CDC16: variants seen among roughly 807,000 people sequenced by gnomAD.
CDC16 encodes the protein cell division cycle protein 16 homolog.
CDC16 carries 34 observed loss-of-function variants against 87.0 expected under a neutral mutation model. The ratio of observed to expected loss-of-function variants is 0.39; its 90% confidence interval spans 0.30 to 0.52. The LOEUF is 0.52. Ranked by LOEUF, CDC16 falls within the 20% of genes least tolerant of loss-of-function variation. CDC16 has a pLI of 0.74. For synonymous variants in CDC16, 263 were observed against 260.6 expected (o/e 1.01, Z -0.09); for missense variants, 653 against 751.9 (o/e 0.87, Z 1.54).
chr13:114,262,035 G>A (rs781329871), intron 15 of CDC16, 87 bp downstream of exon 15: 2 of 750,510 alleles, frequency 2.7e-6, no homozygotes, highest in Non-Finnish European at 4.4e-6. Flanking sequence ...CTTATTTCAT[G>A]AGATCAACCA....
At chr13:114,263,726 A>G (rs1039610406) in intron 16 of CDC16, among the ~76,000 whole-genome samples, 1 of 152,198 alleles carries the variant, frequency 6.6e-6, no homozygotes, top group African/African-American at 2.4e-5. Flanking sequence ...AGCCACAGAC[A>G]CCTGCTTTCC....
At chr13:114,242,363 A>T (rs750450389) in intron 6 of CDC16, 83 bp downstream of exon 6, 3 of 1,256,860 alleles carry the variant, frequency 2.4e-6, no homozygotes, top group African/African-American at 3.0e-5. Context: ...CTTCTAAGTC[A>T]ACAACAGGCC....
intron 10 of CDC16, 53 bp from the exon 11 acceptor site, chr13:114,246,878 A>G (rs1249246809): frequency 1.8e-6 from 2 of 1,096,482 alleles, no homozygotes; most frequent in Non-Finnish European, 2.8e-6. Flanking sequence ...TGCAGATTCC[A>G]ATTAGATATT....
chr13:114,241,160 T>G lies in CDC16; in HGVS notation c.382-961T>G, dbSNP rs139891577. ...TTTATGGTAGTCGTGAGATGGCTGT[T>G]GAACGCCTTACTATGTGCTAGCACC... On this transcript the variant is annotated intron_variant, in intron 5 of 17. Transcript: ENST00000356221. Among the ~76,000 whole-genome samples the G allele has an allele frequency of 2.2e-3, 339 of 152,328 alleles. 1 individual carries two copies. The highest frequency in any genetic ancestry group is 7.9e-3 in the African/African-American group (330 of 41,574).
At chr13:114,236,287 T>G (rs2081246568) in intron 1 of CDC16, among the ~76,000 whole-genome samples, 1 of 152,232 alleles carries the variant, frequency 6.6e-6, no homozygotes, top group Non-Finnish European at 1.5e-5. Context: ...CATTAACAGC[T>G]CGTTGAAAGT....
chr13:114,268,258 A>T (rs2139197731), intron 17 of CDC16, among the ~76,000 whole-genome samples: 1 of 152,222 alleles, frequency 6.6e-6, no homozygotes, highest in Non-Finnish European at 1.5e-5. Context: ...TAAATCCCAA[A>T]ATTTGGGCTT....
chr13:114,258,106 T>A (rs189364343), intron 13 of CDC16, among the ~76,000 whole-genome samples: 1 of 152,226 alleles, frequency 6.6e-6, no homozygotes, highest in Admixed American at 6.5e-5. Context: ...TTAATACTAC[T>A]ACAGTGTCAT....
chr13:114,272,199 A>T lies in CDC16; in HGVS notation c.1619A>T (p.Asp540Val). ...TTCTTTTTAGGAGCAGACATTAAAG[A>T]CAAATTAAAATGTTATGACTTTGAT... ...SEAYIGADIK[D>V]KLKCYDFDVH... The change falls in exon 18 of 18, where the codon GAC becomes GTC. Residue 540 changes from aspartate to valine, a missense_variant. Physicochemically the swap from Asp to Val is radical, Grantham distance 152 (BLOSUM62 -3). Transcript: ENST00000356221. 1 of 1,535,180 alleles carries T rather than the reference A, an allele frequency of 6.5e-7. No homozygotes were observed. The highest frequency in any genetic ancestry group is 8.9e-7 in the Non-Finnish European group (1 of 1,125,530).
intron 17 of CDC16, among the ~76,000 whole-genome samples, chr13:114,269,385 T>C (rs1447076547): frequency 1.3e-5 from 2 of 152,178 alleles, no homozygotes; most frequent in Admixed American, 1.3e-4. Flanking sequence ...GGGAGGGGGC[T>C]GTACCAGGGT....
Position 114,265,230 on chromosome 13 carries a change from A to G in CDC16, c.1593A>G (p.Glu531=). ...TCGAAATGTACATTGGTGATTCTGA[A>G]GCTTATATTGGTAAGATAATCGTTA... The part of the protein sequence containing the change: ...HCIEMYIGDS[E]AYIGADIKDK... Residue 531 remains glutamate (E), a synonymous_variant, in exon 17 of 18, where the codon GAA becomes GAG. Transcript: ENST00000356221. The G allele has an allele frequency of 6.3e-7, 1 of 1,595,414 alleles. No individual in the cohort carries two copies. Among genetic ancestry groups the G allele is most frequent in the Non-Finnish European group, 8.6e-7 (1 of 1,163,062 alleles).
chr13:114,247,290 G>A, intron 11 of CDC16: 1 of 345,290 alleles, frequency 2.9e-6, no homozygotes, highest in Non-Finnish European at 5.3e-6. Context: ...AGCCTCCCGA[G>A]TAGCTGGGAC....
Position 114,272,517 on chromosome 13 carries a change from A to C in CDC16, c.*74A>C, listed in dbSNP as rs2083755024. Reference sequence around the variant, plus strand: ...CTTCACATCCTCTCCATGGCTTAAGAATGTCCCACTTCCTAACGTGACTCC... The same window carrying C: ...CTTCACATCCTCTCCATGGCTTAAGCATGTCCCACTTCCTAACGTGACTCC... On this transcript the variant is annotated 3_prime_UTR_variant, in exon 18 of 18. Transcript: ENST00000356221. 2 of 1,335,686 alleles carry C rather than the reference A, an allele frequency of 1.5e-6. No homozygotes were observed. Among genetic ancestry groups the C allele is most frequent in the African/African-American group, 2.9e-5 (2 of 68,604 alleles). 82.7% of individuals were successfully genotyped at this position (1,335,686 alleles called of 1,614,324 possible). A position where few individuals can be genotyped will look rare whatever the true frequency, so the allele number is the denominator to read the frequency against.
chr13:114,243,737 A>C lies in CDC16; in HGVS notation c.634-119A>C, dbSNP rs1479069899. ...ATAAAACCTAAAGTTATAAGTTTTC[A>C]GAGGCTCTCACATTTGTTCTTGTAA... On this transcript the variant is annotated intron_variant, in intron 7 of 17. Transcript: ENST00000356221. 5 of 730,104 alleles carry C rather than the reference A, an allele frequency of 6.8e-6. No homozygotes were observed. In the Admixed American group the frequency reaches 1.5e-4, roughly 22 times the overall value. 45.2% of individuals were successfully genotyped at this position (730,104 alleles called of 1,614,324 possible).
intron 3 of CDC16, 81 bp from the exon 4 acceptor site, chr13:114,238,909 A>G (rs1196606520): frequency 2.6e-6 from 4 of 1,510,804 alleles, no homozygotes; most frequent in Non-Finnish European, 3.6e-6. Context: ...AATTAGTTCT[A>G]TTTTATGCTT....
chr13:114,245,914 T>G (rs924624729), intron 9 of CDC16, 86 bp from the exon 10 acceptor site: 1 of 729,520 alleles, frequency 1.4e-6, no homozygotes, highest in East Asian at 2.7e-5. Context: ...AGCAGAATTA[T>G]ATGATTGTGA....
At position 114,235,083 on chromosome 13, in the gene CDC16, C is replaced by G; in HGVS notation, c.-2C>G. 8.0e-7 allele frequency: 1 copy of G among 1,246,220 alleles called. No homozygotes were observed. 77.2% of individuals were successfully genotyped at this position (1,246,220 alleles called of 1,614,324 possible). A position where few individuals can be genotyped will look rare whatever the true frequency, so the allele number is the denominator to read the frequency against. ...GTGGCGTGAGGCCGGGCCCGCGCCG[C>G]CATGAACCTAGAGCGGCTGCGGAAG... On this transcript the variant is annotated 5_prime_UTR_variant, in exon 1 of 18. Transcript: ENST00000356221.
chr13:114,257,875 C>T (rs1361094482), intron 13 of CDC16, among the ~76,000 whole-genome samples: 1 of 152,150 alleles, frequency 6.6e-6, no homozygotes, highest in African/African-American at 2.4e-5. Flanking sequence ...CATTCTCTGC[C>T]TCCCAGGTTC....
chr13:114,237,003 A>G, intron 3 of CDC16, 107 bp downstream of exon 3: 1 of 611,096 alleles, frequency 1.6e-6, no homozygotes, highest in South Asian at 2.6e-5. Flanking sequence ...TGGAAAGCCA[A>G]GGCAGGTGGA....
Position 114,243,336 on chromosome 13 carries a change from C to T in CDC16, c.621C>T (p.Asn207=). 6.5e-7 allele frequency: 1 copy of T among 1,543,700 alleles called. No individual in the cohort carries two copies. The highest frequency in any genetic ancestry group is 9.0e-7 in the Non-Finnish European group (1 of 1,117,154). The change falls in exon 7 of 18, where the codon AAC becomes AAT. Residue 207 remains asparagine, a synonymous_variant. Coordinates refer to ENST00000356221, the MANE Select transcript of CDC16 (RefSeq NM_001078645.3). ...EQELLRFLFE[N]KLKKYNKPSE... is the part of the protein sequence containing the mutation. ...AATTGCTGCGTTTTCTATTTGAGAA[C>T]AAATTGAAAAAAGTAAGTAAAACCA...
Sources: gnomAD v4.1 joint callset for allele counts (sites outside exome capture counted in the v4.1 genomes callset) on GRCh38, gnomAD v4.1.1 for gene constraint, MANE v1.5 for transcripts, NCBI Gene and HGNC (gene_info 2026-07-23, HGNC 2026-07-21) for gene names.